Variants in ARHGEF18 observed in about 807,000 individuals in gnomAD.
ARHGEF18 encodes the protein rho guanine nucleotide exchange factor 18.
ARHGEF18 carries 93 observed loss-of-function variants against 155.7 expected under a neutral mutation model. The observed-to-expected ratio is 0.60, with a 90% CI of 0.50 to 0.71. The LOEUF is 0.71. ARHGEF18 is among the 30% of genes least tolerant of loss of function. The pLI is 0.00. For synonymous variants in ARHGEF18, 742 were observed against 753.1 expected (o/e 0.99, Z 0.24); for missense variants, 1,593 against 1,816.1 (o/e 0.88, Z 2.23).
At position 7,444,169 on chromosome 19, in the gene ARHGEF18, A is replaced by G; in HGVS notation, c.1361-35A>G. 1 of 1,603,176 alleles carries G rather than the reference A, an allele frequency of 6.2e-7. No individual in the cohort carries two copies. The highest frequency in any genetic ancestry group is 8.5e-7 in the Non-Finnish European group (1 of 1,172,708). On this transcript the variant is annotated intron_variant, in intron 13 of 28. Transcript: ENST00000668164. The surrounding 1 kb of genome is among the most constrained non-coding windows in gnomAD (Gnocchi z 4.7). ...GACTGCCCAGCGGGGCCGTGGAGCC[A>G]GCATGGCTAAGTCCTGCCGTCTGTG... is the stretch of plus-strand genomic sequence containing the variant.
rs377535487 is a variant in ARHGEF18, at chr19:7,367,758, A to AAAAAAT, written c.15+4854_15+4855insAAAATA. The stretch of plus-strand genomic sequence containing the variant: ...TGAAACTCCATCTCAAAAAAAAAAA[A>AAAAAAT]ATATATATATATATACACATATATA... On this transcript the variant is annotated intron_variant, in intron 2 of 28. Transcript: ENST00000668164. Among the ~76,000 whole-genome samples the AAAAAAT allele has an allele frequency of 8.1e-5, 6 of 74,158 alleles. 2 individuals are homozygous for AAAAAAT. Among genetic ancestry groups the AAAAAAT allele is most frequent in the African/African-American group, 2.1e-4 (3 of 14,042 alleles). 48.7% of individuals were successfully genotyped at this position (74,158 alleles called of 152,430 possible). A position where few individuals can be genotyped will look rare whatever the true frequency, so the allele number is the denominator to read the frequency against.
At chr19:7,419,115 C>A in intron 10 of ARHGEF18, among the ~76,000 whole-genome samples, 1 of 142,678 alleles carries the variant, frequency 7.0e-6, no homozygotes, top group South Asian at 2.2e-4. Context: ...GGCCTCTGTA[C>A]CCCAGATGTA....
rs535865972 is a variant in ARHGEF18, at chr19:7,352,690, C to T, written c.-111+3449C>T. ...CTGGGAATACAGGTGCCTGCCACCA[C>T]GCCCGGCTATTTTTTTGTATTTTCA... On this transcript the variant is annotated intron_variant, in intron 1 of 28. Coordinates refer to ENST00000668164, the MANE Select transcript of ARHGEF18 (RefSeq NM_001367823.1). Among the ~76,000 whole-genome samples, 8 of 150,238 alleles carry T rather than the reference C, an allele frequency of 5.3e-5. No homozygotes were observed. In the South Asian group the frequency reaches 8.5e-4, roughly 16 times the overall value.
At chr19:7,472,972 G>C, downstream of ARHGEF18, 1 of 456,044 alleles carries the variant, frequency 2.2e-6, no homozygotes, top group Non-Finnish European at 4.4e-6. Flanking sequence ...AAAGTGCTGG[G>C]ATTACGGGCA....
chr19:7,462,017 A>G lies in ARHGEF18; in HGVS notation c.2453-135A>G, dbSNP rs1007444509. 22 of 931,548 alleles carry G rather than the reference A, an allele frequency of 2.4e-5. No homozygotes were observed. The highest frequency in any genetic ancestry group is 9.9e-5 in the African/African-American group (6 of 60,860). The allele number at this position is 931,548 out of a possible 1,614,324, so 57.7% of individuals were successfully genotyped here. Reference sequence around the variant, plus strand: ...CCATGCCCTCCCCTACCTCCCAGGAATGCAGGACACAAGGGGGCAGCCTAC... The same window carrying G: ...CCATGCCCTCCCCTACCTCCCAGGAGTGCAGGACACAAGGGGGCAGCCTAC... On this transcript the variant is annotated intron_variant, in intron 20 of 28. Coordinates refer to ENST00000668164, the MANE Select transcript of ARHGEF18 (RefSeq NM_001367823.1). The surrounding 1 kb of genome is among the most constrained non-coding windows in gnomAD (Gnocchi z 4.4).
At chr19:7,468,419 T>C (rs1470352150) in intron 26 of ARHGEF18, among the ~76,000 whole-genome samples, 1 of 151,808 alleles carries the variant, frequency 6.6e-6, no homozygotes, top group Non-Finnish European at 1.5e-5. Context: ...TGGTGGCACA[T>C]ACCTGTAATC....
chr19:7,397,971 C>A (rs771687066), intron 10 of ARHGEF18, among the ~76,000 whole-genome samples: 2 of 152,200 alleles, frequency 1.3e-5, no homozygotes, highest in African/African-American at 2.4e-5. Flanking sequence ...ATGTTAAGCA[C>A]TTTCACCACA....
intron 10 of ARHGEF18, among the ~76,000 whole-genome samples, chr19:7,423,565 G>A (rs935337185): frequency 1.3e-5 from 2 of 151,932 alleles, no homozygotes; most frequent in African/African-American, 4.8e-5. Context: ...GCCGGGCGTG[G>A]TAATGCATGG....
intron 3 of ARHGEF18, among the ~76,000 whole-genome samples, chr19:7,374,837 A>G (rs1970360305): frequency 2.0e-5 from 3 of 152,198 alleles, no homozygotes; most frequent in African/African-American, 4.8e-5. Context: ...ATGCATACGC[A>G]TGAAGCCACC....
rs776350022 is a variant in ARHGEF18 at position 7,467,610 on chromosome 19, C to G, written c.3406C>G (p.Arg1136Gly). 2.0e-6 allele frequency: 3 copies of G among 1,510,652 alleles called. No homozygotes were observed. Among genetic ancestry groups the G allele is most frequent in the East Asian group, 2.6e-5 (1 of 38,430 alleles). 93.6% of individuals were successfully genotyped at this position (1,510,652 alleles called of 1,614,324 possible). ...GCGTGCCGTGGAGCGCGAGCGGGAG[C>G]GCCTGGAGCTGCTGCGCCGCCTCAA... The part of the protein sequence containing the change: ...AQRAVERERE[R>G]LELLRRLKKQ... Residue 1136 changes from arginine (R) to glycine (G), a missense_variant, in exon 26 of 29, where the codon CGC (arginine) becomes GGC (glycine). By Grantham distance (125) the Arg-to-Gly change is moderately radical. Transcript: ENST00000668164.
At chr19:7,474,955 T>C (rs796352536), downstream of ARHGEF18, among the ~76,000 whole-genome samples, 10 of 152,094 alleles carry the variant, frequency 6.6e-5, no homozygotes, top group South Asian at 2.1e-4. Flanking sequence ...CTGTAGTGGC[T>C]GGGCACGGTG....
At chr19:7,404,455 CTCTTT>C (rs1361779327) in intron 10 of ARHGEF18, among the ~76,000 whole-genome samples, 14 of 142,932 alleles carry the variant, frequency 9.8e-5, no homozygotes, top group Non-Finnish European at 1.9e-4. Flanking sequence ...GAGGATCTCT[CTCTTT>C]TTTTTTTTTT....
chr19:7,401,705 A>G (rs1972026304), intron 10 of ARHGEF18, among the ~76,000 whole-genome samples: 1 of 152,222 alleles, frequency 6.6e-6, no homozygotes, highest in Admixed American at 6.5e-5. Flanking sequence ...ACCTTGAGTT[A>G]ACCCAGCAAT....
At chr19:7,405,202 G>T (rs543676870) in intron 10 of ARHGEF18, among the ~76,000 whole-genome samples, 1 of 151,800 alleles carries the variant, frequency 6.6e-6, no homozygotes, top group Non-Finnish European at 1.5e-5. Flanking sequence ...CAGGCAATCC[G>T]CCCGCCTCAG....
intron 10 of ARHGEF18, among the ~76,000 whole-genome samples, chr19:7,405,974 G>A (rs1972283363): frequency 6.6e-6 from 1 of 152,156 alleles, no homozygotes; most frequent in South Asian, 2.1e-4. Flanking sequence ...ACAACACAGT[G>A]ATTTTCCAGT....
chr19:7,450,211 C>T (rs937955173), intron 15 of ARHGEF18, among the ~76,000 whole-genome samples: 8 of 78,342 alleles, frequency 1.0e-4, no homozygotes, highest in African/African-American at 4.0e-4. Flanking sequence ...GCTGTTAATG[C>T]GGTATCTCGC....
chr19:7,435,842 A>T lies in ARHGEF18; in HGVS notation c.968-4502A>T, dbSNP rs77659062. Reference sequence around the variant, plus strand: ...GACTGTCCACCTCTTATTCTATTTCATTTCATTCTTTTTCAGAGTCTTGCT... The same window carrying T: ...GACTGTCCACCTCTTATTCTATTTCTTTTCATTCTTTTTCAGAGTCTTGCT... On this transcript the variant is annotated intron_variant, in intron 10 of 28. Transcript: ENST00000668164. Among the ~76,000 whole-genome samples the T allele has an allele frequency of 9.4e-3, 1,427 of 152,076 alleles. 18 individuals carry two copies. The highest frequency in any genetic ancestry group is 0.02 in the Middle Eastern group (6 of 294).
chr19:7,443,288 C>T (rs576178310), intron 13 of ARHGEF18, among the ~76,000 whole-genome samples: 1 of 152,184 alleles, frequency 6.6e-6, no homozygotes, highest in South Asian at 2.1e-4. Context: ...GACTCCTGAC[C>T]TCATGATCCT....
chr19:7,423,436 T>C (rs939616595), intron 10 of ARHGEF18, among the ~76,000 whole-genome samples: 1 of 151,966 alleles, frequency 6.6e-6, no homozygotes, highest in Non-Finnish European at 1.5e-5. Flanking sequence ...AAAAAGGTAG[T>C]GAAAGCACAT....
Sources: allele counts gnomAD v4.1 joint callset (sites outside exome capture counted in the v4.1 genomes callset), GRCh38; gene constraint gnomAD v4.1.1; non-coding constraint Gnocchi (gnomAD v3.1); transcripts MANE v1.5; gene names NCBI Gene and HGNC (gene_info 2026-07-23, HGNC 2026-07-21).